PLEKHA7: variants seen among roughly 807,000 people sequenced by gnomAD.
PLEKHA7 encodes pleckstrin homology domain containing A7.
In PLEKHA7, 104 loss-of-function variants were observed where a neutral mutation model predicts 170.0. That is an observed-to-expected ratio of 0.61 (90% confidence interval 0.52 to 0.72). PLEKHA7 has a LOEUF of 0.72. Ranked by LOEUF, PLEKHA7 falls within the 30% of genes least tolerant of loss-of-function variation. The pLI, the probability that PLEKHA7 is intolerant of heterozygous loss-of-function variation, is 0.00. For missense variants in PLEKHA7, 1,615 were observed against 1,671.7 expected (o/e 0.97, Z 0.59); for synonymous variants, 648 against 660.8 (o/e 0.98, Z 0.30).
intron 10 of PLEKHA7, among the ~76,000 whole-genome samples, chr11:16,818,007 T>C (rs1849901182): frequency 6.6e-6 from 1 of 152,192 alleles, no homozygotes; most frequent in African/African-American, 2.4e-5. Context: ...CTGCTCTTCC[T>C]ACGGGCCACG....
intron 9 of PLEKHA7, among the ~76,000 whole-genome samples, chr11:16,833,625 A>T (rs1851291801): frequency 6.6e-6 from 1 of 152,152 alleles, no homozygotes; most frequent in Non-Finnish European, 1.5e-5. Context: ...GCTAGGCCCT[A>T]CTGTGTGCTA....
At chr11:16,957,704 T>C (rs984254633) in intron 3 of PLEKHA7, among the ~76,000 whole-genome samples, 7 of 136,148 alleles carry the variant, frequency 5.1e-5, no homozygotes, top group African/African-American at 1.1e-4. Context: ...TTTCTTTTTT[T>C]TTTTTTTTTT....
chr11:16,890,892 AT>A (rs1273446568), intron 3 of PLEKHA7, among the ~76,000 whole-genome samples: 1 of 151,798 alleles, frequency 6.6e-6, no homozygotes, highest in Non-Finnish European at 1.5e-5. Flanking sequence ...AAAAATATAC[AT>A]TTTTTTTCTT....
chr11:16,951,662 G>A (rs924290748), intron 3 of PLEKHA7, among the ~76,000 whole-genome samples: 2 of 152,170 alleles, frequency 1.3e-5, no homozygotes, highest in Admixed American at 6.5e-5. Flanking sequence ...TAGAGGCAAT[G>A]CAAAACCATA....
intron 9 of PLEKHA7, among the ~76,000 whole-genome samples, chr11:16,838,512 C>G (rs1265432426): frequency 9.0e-6 from 1 of 111,648 alleles, no homozygotes; most frequent in South Asian, 2.7e-4. Context: ...GACTCTGTGT[C>G]TTAAAAAAAA....
rs1554992439 is a variant in PLEKHA7, at chr11:16,990,287, A to AAAAAAAAAAAAAAAACC, written c.221+23701_221+23702insGGTTTTTTTTTTTTTTT. On this transcript the variant is annotated intron_variant, in intron 3 of 26. Coordinates refer to ENST00000531066, the MANE Select transcript of PLEKHA7 (RefSeq NM_001329630.2). ...AGACCCTGTCTCAAAAAAAAAAAAA[A>AAAAAAAAAAAAAAAACC]AAAAAAAAAAAACTTCTCCCTGTTC... 2.7e-4 allele frequency among the ~76,000 whole-genome samples: 30 copies of AAAAAAAAAAAAAAAACC among 111,244 alleles called. 2 individuals are homozygous for AAAAAAAAAAAAAAAACC. Among genetic ancestry groups the AAAAAAAAAAAAAAAACC allele is most frequent in the African/African-American group, 7.2e-4 (20 of 27,784 alleles). 73.0% of individuals were successfully genotyped at this position (111,244 alleles called of 152,430 possible).
At chr11:16,943,993 T>C (rs561908103) in intron 3 of PLEKHA7, among the ~76,000 whole-genome samples, 1 of 152,192 alleles carries the variant, frequency 6.6e-6, no homozygotes, top group African/African-American at 2.4e-5. Context: ...GGTCTGCATG[T>C]TTAAGACATT....
chr11:16,809,597 G>A (rs1314081943), intron 13 of PLEKHA7, among the ~76,000 whole-genome samples: 1 of 152,178 alleles, frequency 6.6e-6, no homozygotes, highest in Non-Finnish European at 1.5e-5. Context: ...CTGACTCAGG[G>A]ACATTTTGTC....
chr11:16,792,269 G>A (rs776221108), intron 19 of PLEKHA7, among the ~76,000 whole-genome samples: 2 of 152,050 alleles, frequency 1.3e-5, no homozygotes, highest in Admixed American at 6.6e-5. Context: ...GGAGGCAGAG[G>A]GTGGGAAGGA....
chr11:16,816,873 G>A lies in PLEKHA7; in HGVS notation c.1793C>T (p.Pro598Leu), dbSNP rs1359156272. ...GTCCACACTCCTCCTCTGGTCCGGT[G>A]GCTTCACTGTGACTCGCTCTGCTGG... ...HTPAERVTVK[P>L]PDQRRSVDIS... Residue 598 changes from proline to leucine, a missense_variant, in exon 11 of 27, where the codon CCA becomes CTA. By Grantham distance (98) the Pro-to-Leu change is moderately conservative. Transcript: ENST00000531066. 6.2e-7 allele frequency: 1 copy of A among 1,614,114 alleles called. No individual in the cohort carries two copies.
intron 4 of PLEKHA7, 129 bp downstream of exon 4, chr11:16,870,970 G>C (rs1018131380): frequency 1.8e-5 from 11 of 609,000 alleles, no homozygotes; most frequent in Non-Finnish European, 3.2e-5. Flanking sequence ...ATTCCTGTTT[G>C]AATCAACCAA....
At chr11:16,998,364 C>G (rs529475182) in intron 3 of PLEKHA7, among the ~76,000 whole-genome samples, 1 of 152,152 alleles carries the variant, frequency 6.6e-6, no homozygotes, top group Non-Finnish European at 1.5e-5. Flanking sequence ...CAGCACCAAC[C>G]AAGACCTCCC....
intron 14 of PLEKHA7, 84 bp from the exon 15 acceptor site, chr11:16,803,136 A>AT: frequency 1.3e-6 from 2 of 1,564,436 alleles, no homozygotes; most frequent in Non-Finnish European, 1.8e-6. Flanking sequence ...GCCTTTGGCT[A>AT]CAGAACCATC....
intron 3 of PLEKHA7, among the ~76,000 whole-genome samples, chr11:16,950,551 T>G (rs576324225): frequency 3.3e-5 from 5 of 150,880 alleles, no homozygotes; most frequent in Non-Finnish European, 7.4e-5. Flanking sequence ...CAGAATAGAG[T>G]CCTGACTCCT....
chr11:16,861,972 A>T (rs1241286625), intron 4 of PLEKHA7, among the ~76,000 whole-genome samples: 1 of 150,786 alleles, frequency 6.6e-6, no homozygotes, highest in Non-Finnish European at 1.5e-5. Context: ...GAAAGCTCTT[A>T]TCCCAAACAG....
chr11:16,916,785 C>CT, intron 3 of PLEKHA7, among the ~76,000 whole-genome samples: 1 of 152,234 alleles, frequency 6.6e-6, no homozygotes, highest in East Asian at 1.9e-4. Context: ...CATTGATGCT[C>CT]TTTTTTTCCC....
intron 3 of PLEKHA7, among the ~76,000 whole-genome samples, chr11:16,973,164 T>C (rs1021323846): frequency 2.0e-5 from 3 of 152,244 alleles, no homozygotes; most frequent in Non-Finnish European, 4.4e-5. Context: ...ATGTACTTTA[T>C]GGTCTCCCTC....
chr11:16,857,337 G>T (rs551918185), intron 4 of PLEKHA7, among the ~76,000 whole-genome samples: 1 of 152,338 alleles, frequency 6.6e-6, no homozygotes, highest in African/African-American at 2.4e-5. Context: ...GGCAGAAAGA[G>T]CACTGGCTCC....
In PLEKHA7 at chr11:16,817,622, C is replaced by T. The variant is rs779261641; in HGVS notation, c.1344-300G>A. The stretch of plus-strand genomic sequence containing the variant: ...TTCTCTCTCCGCTGCCAGCAGTCAG[C>T]TCTTTCAATGGCTATGCATATTTAT... On this transcript the variant is annotated intron_variant, in intron 10 of 26. Transcript: ENST00000531066. The surrounding 1 kb of genome is among the most constrained non-coding windows in gnomAD (Gnocchi z 4.4). Among the ~76,000 whole-genome samples the T allele has an allele frequency of 4.6e-5, 7 of 152,204 alleles. No homozygotes were observed. The highest frequency in any genetic ancestry group is 7.2e-5 in the African/African-American group (3 of 41,438).
Sources: allele counts gnomAD v4.1 joint callset (sites outside exome capture counted in the v4.1 genomes callset), GRCh38; gene constraint gnomAD v4.1.1; non-coding constraint Gnocchi (gnomAD v3.1); transcripts MANE v1.5; gene names NCBI Gene and HGNC (gene_info 2026-07-23, HGNC 2026-07-21).